CD36: variants seen among roughly 807,000 people sequenced by gnomAD.
CD36 encodes the protein platelet glycoprotein 4.
CD36 carries 119 observed loss-of-function variants against 55.2 expected under a neutral mutation model. The observed-to-expected ratio is 2.15, with a 90% CI of 1.86 to 2.51. The LOEUF (loss-of-function observed/expected upper bound fraction) is 2.51, where lower values mean the gene tolerates loss of function less well. Among genes scored for constraint, CD36 ranks in the 30% most tolerant of loss-of-function variants. CD36 has a pLI of 0.00. For synonymous variants in CD36, 186 were observed against 193.6 expected, an observed-to-expected ratio of 0.96 and a Z score of 0.33; for missense variants, 819 against 555.5, an observed-to-expected ratio of 1.47 and a Z score of -4.77.
At chr7:80,663,689 A>C (rs1796744195) in intron 6 of CD36, among the ~76,000 whole-genome samples, 1 of 152,166 alleles carries the variant, frequency 6.6e-6, no homozygotes, top group African/African-American at 2.4e-5. Flanking sequence ...TAATGTCATG[A>C]AATGGCAGCT....
chr7:80,670,145 G>T, intron 9 of CD36, 123 bp downstream of exon 9: 7 of 714,836 alleles, frequency 9.8e-6, no homozygotes, highest in East Asian at 5.2e-5. Flanking sequence ...TTTGCAAAAT[G>T]TTCTTCTGCA....
intron 3 of CD36, among the ~76,000 whole-genome samples, chr7:80,651,400 A>G (rs1278075286): frequency 1.3e-5 from 2 of 152,176 alleles, no homozygotes; most frequent in Non-Finnish European, 2.9e-5. Context: ...AAAAGTTGGA[A>G]GAAAAAAATA....
chr7:80,609,068 A>C (rs1378254619), intron 1 of CD36, among the ~76,000 whole-genome samples: 1 of 152,152 alleles, frequency 6.6e-6, no homozygotes, highest in Admixed American at 6.6e-5. Flanking sequence ...CTCCTTCTCT[A>C]AAAATCCTTG....
At chr7:80,666,645 A>T (rs2116769119) in intron 8 of CD36, among the ~76,000 whole-genome samples, 156 bp downstream of exon 8, 1 of 152,348 alleles carries the variant, frequency 6.6e-6, no homozygotes, top group Non-Finnish European at 1.5e-5. Context: ...TATATAGGCT[A>T]AAGGTCTGTT....
At chr7:80,635,801 A>G (rs1216319748), upstream of CD36, among the ~76,000 whole-genome samples, 2 of 152,140 alleles carry the variant, frequency 1.3e-5, no homozygotes, top group Non-Finnish European at 2.9e-5. Flanking sequence ...AAACCATTAC[A>G]TATCCATGGT....
At chr7:80,666,895 C>T (rs1407091718) in intron 8 of CD36, among the ~76,000 whole-genome samples, 2 of 152,022 alleles carry the variant, frequency 1.3e-5, no homozygotes, top group African/African-American at 4.8e-5. Context: ...CATATCTAAG[C>T]AAGGCTTATA....
intron 1 of CD36, among the ~76,000 whole-genome samples, chr7:80,623,353 G>A (rs929057115): frequency 1.4e-5 from 1 of 72,144 alleles, no homozygotes; most frequent in Admixed American, 1.4e-4. Context: ...CTTCCACTTT[G>A]TGGCAGAGTT....
intron 9 of CD36, chr7:80,670,272 G>C (rs1306382624): frequency 6.2e-6 from 3 of 480,680 alleles, no homozygotes; most frequent in African/African-American, 3.9e-5. Context: ...GTCCAGAAGG[G>C]CGTGCCCAAT....
chr7:80,644,792 G>A (rs1157846344), intron 1 of CD36, among the ~76,000 whole-genome samples: 3 of 152,090 alleles, frequency 2.0e-5, no homozygotes, highest in Non-Finnish European at 2.9e-5. Flanking sequence ...CCTTCATTCC[G>A]TTGGCACATA....
intron 3 of CD36, among the ~76,000 whole-genome samples, chr7:80,653,115 CA>C (rs1795753099): frequency 6.6e-6 from 1 of 152,140 alleles, no homozygotes; most frequent in African/African-American, 2.4e-5. Flanking sequence ...CATCTAATTT[CA>C]TTGTTGGCCA....
chr7:80,610,677 C>T (rs933475182), intron 1 of CD36, among the ~76,000 whole-genome samples: 15 of 151,994 alleles, frequency 9.9e-5, no homozygotes, highest in Non-Finnish European at 1.8e-4. Context: ...TGAGTTCAAG[C>T]GATTCTCCTG....
chr7:80,602,221 C>T (rs1176956887), exon 1 of CD36: 2 of 152,108 alleles, frequency 1.3e-5, no homozygotes, highest in East Asian at 1.9e-4. Flanking sequence ...GTCAGGATAA[C>T]CTTAAGGATA....
At chr7:80,615,692 ACGTTTCCTTTCT>A (rs1793111278) in intron 1 of CD36, among the ~76,000 whole-genome samples, 1 of 152,198 alleles carries the variant, frequency 6.6e-6, no homozygotes, top group African/African-American at 2.4e-5. Context: ...GTTCTTTAGT[ACGTTTCCTTTCT>A]CTTAACTCAC....
rs559916528 is a variant in CD36 at position 80,674,083 on chromosome 7, G to C, written c.1355G>C (p.Gly452Ala). The change falls in exon 14 of 15, where the codon GGT (glycine) becomes GCT (alanine). Residue 452 changes from glycine to alanine, a missense_variant. Transcript: ENST00000447544. ...GLIEMILLSVGVVMFVAFMIS... is the reference protein window; with the variant it reads ...GLIEMILLSVAVVMFVAFMIS... ...ATAGAAATGATCTTACTCAGTGTTGGTGTGGTGATGTTTGTTGCTTTTATG... is the reference window on the plus strand; with the variant it reads ...ATAGAAATGATCTTACTCAGTGTTGCTGTGGTGATGTTTGTTGCTTTTATG... 1.7e-4 allele frequency: 272 copies of C among 1,612,244 alleles called. 8 individuals carry two copies. The South Asian group carries it at 2.7e-3, about 16-fold the overall frequency.
At chr7:80,649,596 A>G (rs1185627409) in intron 3 of CD36, among the ~76,000 whole-genome samples, 6 of 152,082 alleles carry the variant, frequency 3.9e-5, no homozygotes, top group Non-Finnish European at 8.8e-5. Flanking sequence ...TGAGTTATTG[A>G]TAGAAGGTAT....
At chr7:80,672,551 T>C (rs1202622841) in intron 11 of CD36, among the ~76,000 whole-genome samples, 1 of 151,566 alleles carries the variant, frequency 6.6e-6, no homozygotes, top group Non-Finnish European at 1.5e-5. Flanking sequence ...CAAATCTAAC[T>C]AACTAAAACC....
At position 80,674,067 on chromosome 7, in the gene CD36, A is replaced by G; in HGVS notation, c.1339A>G (p.Ile447Val). The change falls in exon 14 of 15, where the codon ATC becomes GTC. Residue 447 changes from isoleucine (I) to valine (V), a missense_variant. Transcript: ENST00000447544. ...KINLLGLIEMILLSVGVVMFV... is the reference protein window; with the variant it reads ...KINLLGLIEMVLLSVGVVMFV... Reference sequence around the variant, plus strand: ...AAACCTCCTTGGCCTGATAGAAATGATCTTACTCAGTGTTGGTGTGGTGAT... The same window carrying G: ...AAACCTCCTTGGCCTGATAGAAATGGTCTTACTCAGTGTTGGTGTGGTGAT... The G allele has an allele frequency of 1.2e-6, 2 of 1,612,132 alleles. No individual in the cohort carries two copies. Among genetic ancestry groups the G allele is most frequent in the Non-Finnish European group, 1.7e-6 (2 of 1,178,680 alleles).
At chr7:80,672,991 G>T in intron 12 of CD36, 148 bp downstream of exon 12, 1 of 657,448 alleles carries the variant, frequency 1.5e-6, no homozygotes, top group African/African-American at 1.9e-5. Context: ...ATTATTAAAT[G>T]CTTATGACTA....
At chr7:80,674,432 A>G in intron 14 of CD36, 1 of 366,056 alleles carries the variant, frequency 2.7e-6, no homozygotes, top group South Asian at 2.8e-5. Flanking sequence ...TGACTGGTTC[A>G]TTTCTCAATT....
Sources: gnomAD v4.1 joint callset for allele counts (sites outside exome capture counted in the v4.1 genomes callset) on GRCh38, gnomAD v4.1.1 for gene constraint, MANE v1.5 for transcripts, NCBI Gene and HGNC (gene_info 2026-07-23, HGNC 2026-07-21) for gene names.